The following LRRC4C variants were observed in gnomAD, a reference collection of about 807,000 sequenced individuals.
The protein encoded by LRRC4C is leucine rich repeat containing 4C.
In LRRC4C, 5 loss-of-function variants were observed where a neutral mutation model predicts 33.6. The observed-to-expected ratio is 0.15, with a 90% confidence interval of 0.08 to 0.31. The LOEUF (loss-of-function observed/expected upper bound fraction) is 0.31. Among genes scored for constraint, LRRC4C ranks in the 10% least tolerant of loss-of-function variants. The pLI is 1.00. For missense variants in LRRC4C, 560 were observed against 796.7 expected (o/e 0.70, Z 3.58); for synonymous variants, 329 against 302.0 (o/e 1.09, Z -0.93).
intron 4 of LRRC4C, among the ~76,000 whole-genome samples, chr11:40,242,048 C>T (rs78564567): frequency 0.062 from 9,459 of 152,184 alleles, 980 homozygotes; most frequent in African/African-American, 0.21. Flanking sequence ...GACAAGGATG[C>T]ATTTCCTCCT....
chr11:40,580,601 C>T (rs1283221824), intron 3 of LRRC4C, among the ~76,000 whole-genome samples: 1 of 152,012 alleles, frequency 6.6e-6, no homozygotes, highest in Non-Finnish European at 1.5e-5. Context: ...AATAAATGTG[C>T]TAATCCTCTT....
chr11:40,476,102 C>A (rs1953205522), intron 3 of LRRC4C, among the ~76,000 whole-genome samples: 1 of 152,168 alleles, frequency 6.6e-6, no homozygotes, highest in African/African-American at 2.4e-5. Context: ...GATTGAGAAT[C>A]ATTTGGCTAT....
intron 3 of LRRC4C, among the ~76,000 whole-genome samples, chr11:40,613,015 G>A (rs1222161197): frequency 2.0e-5 from 3 of 151,900 alleles, no homozygotes; most frequent in Admixed American, 6.6e-5. Context: ...ATGCTAACAA[G>A]CATCTGAGTC....
intron 5 of LRRC4C, among the ~76,000 whole-genome samples, chr11:40,199,957 A>C (rs7106166): frequency 0.48 from 72,549 of 151,712 alleles, 17,982 homozygotes; most frequent in South Asian, 0.64. Context: ...CATAGTTATA[A>C]ATGCTGGAGA....
intron 1 of LRRC4C, among the ~76,000 whole-genome samples, chr11:41,231,952 G>A (rs993979219): frequency 9.2e-5 from 14 of 151,558 alleles, no homozygotes; most frequent in African/African-American, 3.1e-4. Context: ...ACTGATTCTC[G>A]GTAATTGAGC....
intron 1 of LRRC4C, among the ~76,000 whole-genome samples, chr11:41,419,836 C>T (rs79772141): frequency 0.012 from 1,889 of 151,976 alleles, 37 homozygotes; most frequent in African/African-American, 0.043. Flanking sequence ...CTCAAGCCAT[C>T]TGATACTCAA....
At chr11:40,930,197 A>G (rs538701571) in intron 2 of LRRC4C, among the ~76,000 whole-genome samples, 5 of 152,304 alleles carry the variant, frequency 3.3e-5, no homozygotes, top group Admixed American at 3.3e-4. Context: ...TCATGGCTAG[A>G]AGGTAGCCAA....
intron 1 of LRRC4C, among the ~76,000 whole-genome samples, chr11:41,125,801 T>G (rs1565406754): frequency 6.6e-6 from 1 of 152,082 alleles, no homozygotes; most frequent in Non-Finnish European, 1.5e-5. Flanking sequence ...AAACTACTAT[T>G]GAAAACTGAA....
At chr11:40,692,110 C>G (rs1367513667) in intron 2 of LRRC4C, among the ~76,000 whole-genome samples, 1 of 151,950 alleles carries the variant, frequency 6.6e-6, no homozygotes, top group Non-Finnish European at 1.5e-5. Context: ...ATCTCATAAA[C>G]CAGAAATGTG....
At chr11:40,779,293 G>A (rs1362607540) in intron 2 of LRRC4C, among the ~76,000 whole-genome samples, 1 of 152,094 alleles carries the variant, frequency 6.6e-6, no homozygotes, top group Non-Finnish European at 1.5e-5. Context: ...ATGAATAGAA[G>A]ATAAACATAT....
chr11:41,268,544 T>G (rs2136810985), intron 1 of LRRC4C, among the ~76,000 whole-genome samples: 1 of 152,288 alleles, frequency 6.6e-6, no homozygotes, highest in Non-Finnish European at 1.5e-5. Flanking sequence ...ATTTTCAAAC[T>G]TTATTTTTAA....
At chr11:40,988,592 G>A (rs530430997) in intron 1 of LRRC4C, among the ~76,000 whole-genome samples, 2 of 152,074 alleles carry the variant, frequency 1.3e-5, no homozygotes, top group Non-Finnish European at 2.9e-5. Context: ...CATTGATACT[G>A]CGGTTATTCT....
At chr11:40,625,852 T>C (rs537033263) in intron 3 of LRRC4C, among the ~76,000 whole-genome samples, 26 of 152,238 alleles carry the variant, frequency 1.7e-4, no homozygotes, top group African/African-American at 6.3e-4. Context: ...CCTCTTCTTT[T>C]TTATGTAGAT....
chr11:40,466,632 T>C (rs1234289621), intron 3 of LRRC4C, among the ~76,000 whole-genome samples: 1 of 151,910 alleles, frequency 6.6e-6, no homozygotes, highest in African/African-American at 2.4e-5. Flanking sequence ...CTTAGAGATA[T>C]GAATTAACTT....
intron 2 of LRRC4C, among the ~76,000 whole-genome samples, chr11:40,922,227 A>C (rs913887601): frequency 1.3e-5 from 2 of 151,906 alleles, no homozygotes; most frequent in African/African-American, 4.8e-5. Context: ...ACAAGTTTTT[A>C]GATTTTTAGA....
At chr11:40,166,806 T>C (rs974023795) in intron 5 of LRRC4C, among the ~76,000 whole-genome samples, 2 of 152,116 alleles carry the variant, frequency 1.3e-5, no homozygotes, top group African/African-American at 4.8e-5. Context: ...ACAGAAAATA[T>C]TGGAGTGCAT....
chr11:40,203,743 T>A (rs1271942114), intron 5 of LRRC4C, among the ~76,000 whole-genome samples: 2 of 152,122 alleles, frequency 1.3e-5, no homozygotes, highest in Non-Finnish European at 2.9e-5. Context: ...GCCTCTAGAT[T>A]TCAGACCGAT....
At chr11:41,054,479 A>G (rs992769171) in intron 1 of LRRC4C, among the ~76,000 whole-genome samples, 1 of 152,310 alleles carries the variant, frequency 6.6e-6, no homozygotes, top group African/African-American at 2.4e-5. Flanking sequence ...GAAAGTGCTG[A>G]ATATCTAGAG....
chr11:41,314,329 T>G (rs1352562513), intron 1 of LRRC4C, among the ~76,000 whole-genome samples: 1 of 152,206 alleles, frequency 6.6e-6, no homozygotes, highest in Admixed American at 6.5e-5. Context: ...ATAACTGTTA[T>G]AATAATGTTA....
Sources: allele counts gnomAD v4.1 joint callset (sites outside exome capture counted in the v4.1 genomes callset), GRCh38; gene constraint gnomAD v4.1.1; transcripts MANE v1.5; gene names NCBI Gene and HGNC (gene_info 2026-07-23, HGNC 2026-07-21).